The following PCDH15 variants were observed in gnomAD, a reference collection of about 807,000 sequenced individuals.
The protein encoded by PCDH15 is protocadherin-15.
In PCDH15, 129 loss-of-function variants were observed where a neutral mutation model predicts 178.5. The observed-to-expected ratio is 0.72, with a 90% CI of 0.63 to 0.84. The LOEUF is 0.84. Among genes scored for constraint, PCDH15 ranks in the 40% least tolerant of loss-of-function variants. The pLI is 0.00. For synonymous variants in PCDH15, 800 were observed against 732.0 expected, an observed-to-expected ratio of 1.09 and a Z score of -1.50; for missense variants, 2,230 against 2,099.9, an observed-to-expected ratio of 1.06 and a Z score of -1.21.
chr10:53,837,571 A>G (rs1194874301), intron 29 of PCDH15, among the ~76,000 whole-genome samples: 2 of 152,146 alleles, frequency 1.3e-5, no homozygotes, highest in Middle Eastern at 3.2e-3. Context: ...GAGCATTCCA[A>G]CATCCTCAGA....
chr10:54,720,495 G>C (rs191021220), intron 1 of PCDH15, among the ~76,000 whole-genome samples: 1 of 144,466 alleles, frequency 6.9e-6, no homozygotes, highest in African/African-American at 2.6e-5. Context: ...AAAAGAGATT[G>C]GAAGACTATT....
intron 2 of PCDH15, among the ~76,000 whole-genome samples, chr10:55,350,850 TG>T (rs1309532738): frequency 6.6e-6 from 1 of 152,156 alleles, no homozygotes; most frequent in East Asian, 1.9e-4. Flanking sequence ...CACAACTGTT[TG>T]GATTCTACCA....
At chr10:55,231,413 G>A (rs1330616874) in intron 1 of PCDH15, among the ~76,000 whole-genome samples, 3 of 151,938 alleles carry the variant, frequency 2.0e-5, no homozygotes, top group Admixed American at 1.3e-4. Flanking sequence ...ATTATTCAAA[G>A]TAACAGGAGT....
intron 1 of PCDH15, among the ~76,000 whole-genome samples, chr10:55,196,441 C>G (rs1840095316): frequency 6.6e-6 from 1 of 151,994 alleles, no homozygotes. Context: ...CAATAGAGCT[C>G]TCAATTATTT....
In PCDH15 at chr10:54,070,451, G is replaced by T. The variant is rs140193942; in HGVS notation, c.2092-3566C>A. On this transcript the variant is annotated intron_variant, in intron 17 of 37. Transcript: ENST00000644397. Reference sequence around the variant, plus strand: ...ACTCCTGACCTCAAACAATCTGTCCGCCTTGGCCTATCAAAGTGCTGGGAT... The same window carrying T: ...ACTCCTGACCTCAAACAATCTGTCCTCCTTGGCCTATCAAAGTGCTGGGAT... Among the ~76,000 whole-genome samples the T allele has an allele frequency of 9.5e-3, 1,453 of 152,282 alleles. 25 individuals are homozygous for T. The highest frequency in any genetic ancestry group is 0.033 in the African/African-American group (1,392 of 41,556).
At chr10:54,576,589 C>T (rs2090500541) in intron 2 of PCDH15, among the ~76,000 whole-genome samples, 1 of 152,120 alleles carries the variant, frequency 6.6e-6, no homozygotes, top group Admixed American at 6.6e-5. Context: ...GATAAAGGAT[C>T]TCTGGGTTAT....
chr10:55,589,521 C>G (rs922475295), intron 2 of PCDH15, among the ~76,000 whole-genome samples: 45 of 151,948 alleles, frequency 3.0e-4, no homozygotes, highest in Non-Finnish European at 5.3e-4. Context: ...TCAGAGTGAA[C>G]AGGCAACCTA....
chr10:54,246,032 T>C (rs1212499598), intron 8 of PCDH15, among the ~76,000 whole-genome samples: 1 of 151,952 alleles, frequency 6.6e-6, no homozygotes, highest in Admixed American at 6.6e-5. Context: ...GGTCTGACAA[T>C]ATATGTAGCT....
chr10:54,270,088 T>A (rs576532196), intron 8 of PCDH15, among the ~76,000 whole-genome samples: 1 of 152,162 alleles, frequency 6.6e-6, no homozygotes, highest in East Asian at 1.9e-4. Flanking sequence ...TATTGGGTAG[T>A]CATTTATCTT....
At chr10:54,039,834 C>T (rs958818076) in intron 18 of PCDH15, among the ~76,000 whole-genome samples, 9 of 151,922 alleles carry the variant, frequency 5.9e-5, no homozygotes, top group African/African-American at 2.2e-4. Context: ...CCTCTTTACT[C>T]CATCTATTGC....
At position 54,668,743 on chromosome 10, in the gene PCDH15, A is replaced by T. The variant is rs7918591; in HGVS notation, c.-28-4453T>A. 1.4e-3 allele frequency among the ~76,000 whole-genome samples: 220 copies of T among 152,238 alleles called. 2 individuals carry two copies. Among genetic ancestry groups the T allele is most frequent in the African/African-American group, 4.9e-3 (204 of 41,544 alleles). On this transcript the variant is annotated intron_variant, in intron 1 of 37. Transcript: ENST00000644397. ...AACTATTTTTTAGCCTATGTCTCTG[A>T]CTGCTATGTGAATAAACACTAACTT...
At position 53,941,532 on chromosome 10, in the gene PCDH15, C is replaced by T. The variant is rs184079379; in HGVS notation, c.3123-557G>A. Among the ~76,000 whole-genome samples the T allele has an allele frequency of 3.6e-3, 554 of 152,224 alleles. 2 individuals are homozygous for T. Among genetic ancestry groups the T allele is most frequent in the Middle Eastern group, 0.014 (4 of 294 alleles). On this transcript the variant is annotated intron_variant, in intron 23 of 37. Transcript: ENST00000644397. ...ATTTTTAGCACTACATAATATTTCG[C>T]GGTCTGAATGTACCCACAGTTTATT...
intron 2 of PCDH15, among the ~76,000 whole-genome samples, chr10:55,341,774 T>TGC (rs1844567311): frequency 8.9e-5 from 1 of 11,212 alleles, no homozygotes; most frequent in African/African-American, 3.5e-4. Flanking sequence ...TATATATATA[T>TGC]ATATATATAT....
chr10:54,119,881 C>T (rs73239929), intron 15 of PCDH15, among the ~76,000 whole-genome samples: 53,963 of 150,078 alleles, frequency 0.36, 10,012 homozygotes, highest in Non-Finnish European at 0.43. Flanking sequence ...CATCCACCCG[C>T]GATCTACATT....
chr10:55,576,761 G>C (rs1842504313), intron 2 of PCDH15, among the ~76,000 whole-genome samples: 2 of 150,786 alleles, frequency 1.3e-5, no homozygotes, highest in South Asian at 4.2e-4. Context: ...TGAAAACATA[G>C]AGTTGGACAA....
intron 21 of PCDH15, among the ~76,000 whole-genome samples, chr10:53,968,446 G>C (rs1226630423): frequency 1.3e-5 from 2 of 152,186 alleles, no homozygotes; most frequent in African/African-American, 4.8e-5. Flanking sequence ...CTGAACAAAA[G>C]GCAGCAGAAA....
chr10:54,291,019 C>G (rs1457076164), intron 8 of PCDH15, among the ~76,000 whole-genome samples: 5 of 151,698 alleles, frequency 3.3e-5, no homozygotes, highest in Non-Finnish European at 5.9e-5. Flanking sequence ...ATATCCAGGA[C>G]TTGAACTCAT....
At position 54,427,159 on chromosome 10, in the gene PCDH15, C is replaced by T. The variant is rs564023947; in HGVS notation, c.158-48217G>A. On this transcript the variant is annotated intron_variant, in intron 3 of 37. Transcript: ENST00000644397. Reference sequence around the variant, plus strand: ...TTCACATTATGGATTATCTAGTATACTCCACAGCTATCAAGTTTGTTTGTG... The same window carrying T: ...TTCACATTATGGATTATCTAGTATATTCCACAGCTATCAAGTTTGTTTGTG... Among the ~76,000 whole-genome samples the T allele has an allele frequency of 4.0e-5, 6 of 151,082 alleles. No homozygotes were observed. The South Asian group carries it at 1.0e-3, about 26-fold the overall frequency.
chr10:53,820,027 T>G (rs1439655605), intron 33 of PCDH15, 138 bp downstream of exon 33: 2 of 390,522 alleles, frequency 5.1e-6, no homozygotes, highest in African/African-American at 2.1e-5. Context: ...AAATATGTTT[T>G]TTGGACTTCT....
Sources: allele counts gnomAD v4.1 joint callset (sites outside exome capture counted in the v4.1 genomes callset), GRCh38; gene constraint gnomAD v4.1.1; transcripts MANE v1.5; gene names NCBI Gene and HGNC (gene_info 2026-07-23, HGNC 2026-07-21).